SMOC1: variants seen among roughly 807,000 people sequenced by gnomAD.
SMOC1 encodes the protein SPARC-related modular calcium-binding protein 1.
Under a neutral mutation model 56.3 loss-of-function variants are expected in SMOC1, and 22 were observed. The ratio of observed to expected loss-of-function variants is 0.39; its 90% CI spans 0.28 to 0.56. The LOEUF (loss-of-function observed/expected upper bound fraction) is 0.56, where lower values mean the gene tolerates loss of function less well. Among genes scored for constraint, SMOC1 ranks in the 20% least tolerant of loss-of-function variants. The pLI is 0.61. For synonymous variants in SMOC1, 193 were observed against 215.0 expected (o/e 0.90, Z 0.89); for missense variants, 509 against 565.4 (o/e 0.90, Z 1.01).
chr14:70,011,489 G>T lies in SMOC1; in HGVS notation c.862G>T (p.Val288Leu). The change falls in exon 9 of 12, where the codon GTG (valine) becomes TTG (leucine). Residue 288 changes from valine to leucine, a missense_variant. Around this residue, in one of 3 missense-constraint regions of SMOC1, gnomAD observed 18 missense variants for 44.2 expected, o/e 0.41. Transcript: ENST00000361956. The part of the protein sequence containing the change: ...RPLPGTSTRY[V>L]MPSCESDARA... ...CCCATATCTCTCTTTTCCCAGCTACGTGATGCCCAGTTGTGAGAGCGACGC... is the reference window on the plus strand; with the variant it reads ...CCCATATCTCTCTTTTCCCAGCTACTTGATGCCCAGTTGTGAGAGCGACGC... 2 of 1,525,256 alleles carry T rather than the reference G, an allele frequency of 1.3e-6. No homozygotes were observed. The highest frequency in any genetic ancestry group is 1.8e-6 in the Non-Finnish European group (2 of 1,115,906). The allele number at this position is 1,525,256 out of a possible 1,614,324, so 94.5% of individuals were successfully genotyped here.
At chr14:69,884,052 G>A (rs927972451) in intron 1 of SMOC1, among the ~76,000 whole-genome samples, 62 of 151,274 alleles carry the variant, frequency 4.1e-4, no homozygotes, top group African/African-American at 1.4e-3. Flanking sequence ...GACTACAGGC[G>A]CCCGCCACCG....
chr14:69,939,439 A>T (rs980243200), intron 1 of SMOC1, among the ~76,000 whole-genome samples: 12 of 152,220 alleles, frequency 7.9e-5, no homozygotes, highest in African/African-American at 2.9e-4. Flanking sequence ...TGTGGGGATT[A>T]TGGGAGCTAC....
At chr14:69,937,596 T>C (rs1469182195) in intron 1 of SMOC1, among the ~76,000 whole-genome samples, 2 of 152,222 alleles carry the variant, frequency 1.3e-5, no homozygotes, top group East Asian at 1.9e-4. Flanking sequence ...GCCTGGGGCC[T>C]GGGCAGCGGT....
intron 1 of SMOC1, among the ~76,000 whole-genome samples, chr14:69,949,361 G>A (rs989656467): frequency 5.9e-5 from 9 of 152,178 alleles, no homozygotes; most frequent in Non-Finnish European, 1.3e-4. Context: ...CTGCTACAGG[G>A]CTGCACTCCT....
At chr14:69,910,225 C>A (rs1388266771) in intron 1 of SMOC1, among the ~76,000 whole-genome samples, 1 of 152,176 alleles carries the variant, frequency 6.6e-6, no homozygotes, top group Non-Finnish European at 1.5e-5. Flanking sequence ...ATTTTCATTC[C>A]CACTTACGAT....
Position 69,994,691 on chromosome 14 carries a change from G to A in SMOC1, c.664+211G>A, listed in dbSNP as rs767780567. On this transcript the variant is annotated intron_variant, in intron 7 of 11. Transcript: ENST00000361956. ...TCTCAGAGATCATCTTTCTTAGGTC[G>A]TTGATCCTCTTAACAAATTTCTTTG... Among the ~76,000 whole-genome samples, 16 of 152,204 alleles carry A rather than the reference G, an allele frequency of 1.1e-4. No homozygotes were observed. In the East Asian group the frequency reaches 1.2e-3, roughly 11 times the overall value.
chr14:69,971,214 C>T (rs1321052226), intron 3 of SMOC1, among the ~76,000 whole-genome samples: 4 of 152,134 alleles, frequency 2.6e-5, no homozygotes, highest in Non-Finnish European at 5.9e-5. Flanking sequence ...GACGGGGTTT[C>T]ACCATGTTGG....
chr14:69,929,544 A>T (rs1387536137), intron 1 of SMOC1, among the ~76,000 whole-genome samples: 1 of 152,208 alleles, frequency 6.6e-6, no homozygotes, highest in Non-Finnish European at 1.5e-5. Context: ...CGTTGGCCAC[A>T]GAGATGCCTG....
intron 1 of SMOC1, among the ~76,000 whole-genome samples, chr14:69,939,090 G>T (rs760849743): frequency 6.6e-5 from 10 of 152,118 alleles, no homozygotes; most frequent in Non-Finnish European, 1.5e-4. Context: ...TCGGACTCTG[G>T]GCCAGGTTAG....
chr14:69,927,087 CAGATGTG>C (rs1329649254), intron 1 of SMOC1, among the ~76,000 whole-genome samples: 2 of 152,250 alleles, frequency 1.3e-5, no homozygotes, highest in Non-Finnish European at 2.9e-5. Context: ...TGCCATTTTA[CAGATGTG>C]GGAACTGAGG....
intron 11 of SMOC1, among the ~76,000 whole-genome samples, chr14:70,026,349 G>A (rs184665120): frequency 2.0e-5 from 3 of 152,324 alleles, no homozygotes; most frequent in African/African-American, 4.8e-5. Flanking sequence ...CACAGCACAC[G>A]GAAGCCAAGC....
intron 1 of SMOC1, among the ~76,000 whole-genome samples, chr14:69,941,656 C>T (rs1171517578): frequency 6.6e-6 from 1 of 152,180 alleles, no homozygotes; most frequent in Non-Finnish European, 1.5e-5. Flanking sequence ...CAAAACAAAA[C>T]ACCAAAGACA....
intron 7 of SMOC1, among the ~76,000 whole-genome samples, chr14:69,998,269 C>G (rs950796112): frequency 1.3e-5 from 2 of 152,178 alleles, no homozygotes; most frequent in African/African-American, 4.8e-5. Flanking sequence ...AACCTCTCCT[C>G]CATTGCATCT....
chr14:69,884,031 C>T (rs992450424), intron 1 of SMOC1, among the ~76,000 whole-genome samples: 13 of 151,162 alleles, frequency 8.6e-5, no homozygotes, highest in Middle Eastern at 3.4e-3. Flanking sequence ...CTCAGCCTCC[C>T]GAGTAGCTGG....
At position 69,980,441 on chromosome 14, in the gene SMOC1, C is replaced by T. The variant is rs114085413; in HGVS notation, c.526+2476C>T. On this transcript the variant is annotated intron_variant, in intron 5 of 11. Coordinates refer to ENST00000361956, the MANE Select transcript of SMOC1 (RefSeq NM_001034852.3). ...TCTTAAATCCTATTTAGTGGCCTCT[C>T]TTTCCCTGTACTTTGAAGGATCTGA... 1.0e-3 allele frequency among the ~76,000 whole-genome samples: 159 copies of T among 152,264 alleles called. 1 individual carries two copies. Among genetic ancestry groups the T allele is most frequent in the African/African-American group, 3.6e-3 (150 of 41,550 alleles).
At chr14:69,885,645 G>A in intron 1 of SMOC1, 1 of 1,449,522 alleles carries the variant, frequency 6.9e-7, no homozygotes, top group African/African-American at 1.4e-5. Flanking sequence ...AAGACAACCA[G>A]CTCGATGGGA....
chr14:69,949,826 G>T (rs1457085699), intron 1 of SMOC1, among the ~76,000 whole-genome samples: 1 of 152,154 alleles, frequency 6.6e-6, no homozygotes, highest in Non-Finnish European at 1.5e-5. Context: ...CCGGGGAGAC[G>T]ATGTAAGGGT....
chr14:69,884,569 T>G (rs1883742553), intron 1 of SMOC1, among the ~76,000 whole-genome samples: 2 of 152,184 alleles, frequency 1.3e-5, no homozygotes, highest in South Asian at 4.1e-4. Context: ...TAGTTTTGGA[T>G]CTTACATTTA....
intron 5 of SMOC1, among the ~76,000 whole-genome samples, chr14:69,985,159 A>G (rs1405163706): frequency 2.0e-5 from 3 of 152,240 alleles, no homozygotes; most frequent in Non-Finnish European, 2.9e-5. Flanking sequence ...CAGCATCATT[A>G]GCCACAGGAA....
Sources: gnomAD v4.1 joint callset for allele counts (sites outside exome capture counted in the v4.1 genomes callset) on GRCh38, gnomAD v4.1.1 for gene constraint, gnomAD v4.1.1 regional missense constraint, MANE v1.5 for transcripts, NCBI Gene and HGNC (gene_info 2026-07-23, HGNC 2026-07-21) for gene names.